Variants in KPNA6 observed in about 807,000 individuals in gnomAD.
The protein encoded by KPNA6 is karyopherin subunit alpha 6, also known as importin subunit alpha-7.
A neutral mutation model predicts 72.0 loss-of-function variants in KPNA6; 9 were observed. That is an observed-to-expected ratio of 0.13 (90% confidence interval 0.08 to 0.22). The LOEUF (loss-of-function observed/expected upper bound fraction) is 0.22. KPNA6 is among the 10% of genes least tolerant of loss of function. The probability of loss-of-function intolerance (pLI) is 1.00; values close to 1 mark genes in which losing one functional copy is unlikely to be tolerated. For missense variants in KPNA6, 374 were observed against 655.7 expected (o/e 0.57, Z 4.69); for synonymous variants, 219 against 242.1 (o/e 0.90, Z 0.89).
chr1:32,126,000 A>AAAAAAAAAC (rs1344906069), intron 1 of KPNA6, among the ~76,000 whole-genome samples: 7 of 149,864 alleles, frequency 4.7e-5, no homozygotes, highest in African/African-American at 1.7e-4. Flanking sequence ...AAAAAAAAAA[A>AAAAAAAAAC]ACCTGTCCTA....
chr1:32,117,759 A>G (rs973104681), intron 1 of KPNA6, among the ~76,000 whole-genome samples: 1 of 152,128 alleles, frequency 6.6e-6, no homozygotes, highest in Admixed American at 6.6e-5. Flanking sequence ...AAGGATGGAG[A>G]GGTTTCAGTA....
intron 1 of KPNA6, among the ~76,000 whole-genome samples, chr1:32,140,825 C>T (rs1025298723): frequency 3.9e-5 from 6 of 152,138 alleles, no homozygotes; most frequent in African/African-American, 1.2e-4. Context: ...TATTAATTTA[C>T]AGTAAATAAC....
Position 32,156,943 on chromosome 1 carries a change from G to A in KPNA6, c.229G>A (p.Gly77Arg), listed in dbSNP as rs1027825365. ...LMDSYVSSTT[G>R]ESVITREMVE... ...GGACTCTTATGTGAGCTCTACCACT[G>A]GGGTAAGGCCCCTGCATGTGCCTCA... is the stretch of plus-strand genomic sequence containing the variant. The change falls in exon 3 of 14, where the codon GGG becomes AGG. Residue 77 changes from glycine to arginine, a missense_variant and splice_region_variant. By Grantham distance (125) the Gly-to-Arg change is moderately radical. Coordinates refer to ENST00000373625, the MANE Select transcript of KPNA6 (RefSeq NM_012316.5). 9 of 1,612,336 alleles carry A rather than the reference G, an allele frequency of 5.6e-6. No individual in the cohort carries two copies. The highest frequency in any genetic ancestry group is 7.6e-6 in the Non-Finnish European group (9 of 1,178,518).
intron 1 of KPNA6, among the ~76,000 whole-genome samples, chr1:32,122,648 G>A (rs1641454349): frequency 6.6e-6 from 1 of 151,910 alleles, no homozygotes; most frequent in African/African-American, 2.4e-5. Flanking sequence ...GAGAGAAGAG[G>A]CAAGCTGTTT....
At chr1:32,120,247 AT>A (rs1430437938) in intron 1 of KPNA6, among the ~76,000 whole-genome samples, 253 of 141,636 alleles carry the variant, frequency 1.8e-3, no homozygotes, top group South Asian at 3.8e-3. Flanking sequence ...TTAAATGTTA[AT>A]TTTTTTTTTT....
In KPNA6 at chr1:32,170,932, A is replaced by C. The variant is rs781138315; in HGVS notation, c.*38A>C. On this transcript the variant is annotated 3_prime_UTR_variant, in exon 14 of 14. Transcript: ENST00000373625. ...GGGAGGGGAGGGGATGGGAAGCACC[A>C]CCAGCCAGCGGAAGAGCAGCCCTCT... The C allele has an allele frequency of 1.3e-6, 2 of 1,588,942 alleles. No individual in the cohort carries two copies.
chr1:32,119,742 AAT>A (rs1491149380), intron 1 of KPNA6, among the ~76,000 whole-genome samples: 2 of 77,920 alleles, frequency 2.6e-5, no homozygotes, highest in African/African-American at 5.6e-5. Flanking sequence ...GGAAATCTGG[AAT>A]TTTTTTTTTT....
chr1:32,170,617 C>T (rs1292171769), intron 13 of KPNA6, 90 bp from the exon 14 acceptor site: 1 of 1,054,892 alleles, frequency 9.5e-7, no homozygotes, highest in Non-Finnish European at 1.4e-6. Context: ...TAAGCACTAA[C>T]ATACCTCAGG....
chr1:32,148,546 T>G (rs1448681559), intron 1 of KPNA6, among the ~76,000 whole-genome samples: 1 of 151,290 alleles, frequency 6.6e-6, no homozygotes, highest in Non-Finnish European at 1.5e-5. Context: ...CATAATGTGG[T>G]GTATATTGGT....
At chr1:32,108,290 T>C (rs545517777) in intron 1 of KPNA6, among the ~76,000 whole-genome samples, 156 bp downstream of exon 1, 2 of 152,270 alleles carry the variant, frequency 1.3e-5, no homozygotes, top group Admixed American at 6.5e-5. Context: ...CTCTTGCCAG[T>C]TTTGGGCCGA....
At chr1:32,165,654 AT>A (rs1158215224) in intron 10 of KPNA6, among the ~76,000 whole-genome samples, 1 of 152,106 alleles carries the variant, frequency 6.6e-6, no homozygotes, top group Non-Finnish European at 1.5e-5. Flanking sequence ...GTAAGCCATG[AT>A]CATGCCACTG....
intron 1 of KPNA6, among the ~76,000 whole-genome samples, chr1:32,134,759 A>G (rs1641703325): frequency 6.6e-6 from 1 of 152,156 alleles, no homozygotes; most frequent in South Asian, 2.1e-4. Context: ...GTATGGTTCT[A>G]TTTAAATGAA....
At chr1:32,156,652 ATAT>A in intron 2 of KPNA6, among the ~76,000 whole-genome samples, 198 bp from the exon 3 acceptor site, 1 of 152,352 alleles carries the variant, frequency 6.6e-6, no homozygotes, top group South Asian at 2.1e-4. Flanking sequence ...TTTCTGTGTA[ATAT>A]TTTCAGACCA....
intron 1 of KPNA6, among the ~76,000 whole-genome samples, chr1:32,137,299 G>A (rs915533820): frequency 6.6e-6 from 1 of 152,040 alleles, no homozygotes; most frequent in South Asian, 2.1e-4. Context: ...TCAGCCTCCC[G>A]AGTTGCTGGG....
At chr1:32,156,130 T>A (rs1353891240) in intron 2 of KPNA6, among the ~76,000 whole-genome samples, 1 of 151,448 alleles carries the variant, frequency 6.6e-6, no homozygotes, top group Non-Finnish European at 1.5e-5. Flanking sequence ...TAAGACAGGA[T>A]CTTGCCCTGT....
At chr1:32,155,210 A>G in intron 2 of KPNA6, among the ~76,000 whole-genome samples, 1 of 151,862 alleles carries the variant, frequency 6.6e-6, no homozygotes, top group South Asian at 2.1e-4. Context: ...GCTTTGAGAA[A>G]GAGAAAACTG....
intron 1 of KPNA6, 95 bp downstream of exon 1, chr1:32,108,229 C>G: frequency 1.3e-6 from 2 of 1,549,046 alleles, no homozygotes; most frequent in South Asian, 2.2e-5. Flanking sequence ...CGGAAGATGT[C>G]TGCATCCCCT....
intron 1 of KPNA6, among the ~76,000 whole-genome samples, chr1:32,124,818 T>C (rs1032224105): frequency 6.7e-6 from 1 of 150,202 alleles, no homozygotes; most frequent in Non-Finnish European, 1.5e-5. Flanking sequence ...GCCTCGTCTT[T>C]TTTTAAGAGC....
chr1:32,164,249 T>C (rs979780586), intron 10 of KPNA6, among the ~76,000 whole-genome samples: 1 of 152,250 alleles, frequency 6.6e-6, no homozygotes, highest in Non-Finnish European at 1.5e-5. Flanking sequence ...TTTGAAAGGC[T>C]GAATGATATT....
Sources: allele counts gnomAD v4.1 joint callset (sites outside exome capture counted in the v4.1 genomes callset), GRCh38; gene constraint gnomAD v4.1.1; transcripts MANE v1.5; gene names NCBI Gene and HGNC (gene_info 2026-07-23, HGNC 2026-07-21).